CPVL: variants seen among roughly 807,000 people sequenced by gnomAD.
The protein encoded by CPVL is probable serine carboxypeptidase CPVL.
CPVL carries 51 observed loss-of-function variants against 63.7 expected under a neutral mutation model. The ratio of observed to expected loss-of-function variants is 0.80; its 90% CI spans 0.64 to 1.01. The LOEUF (loss-of-function observed/expected upper bound fraction) is 1.01, where lower values mean the gene tolerates loss of function less well. Ranked by LOEUF, CPVL falls within the 50% of genes least tolerant of loss-of-function variation. The pLI is 0.00. For missense variants in CPVL, 530 were observed against 573.1 expected, an observed-to-expected ratio of 0.92 and a Z score of 0.77; for synonymous variants, 195 against 206.0, an observed-to-expected ratio of 0.95 and a Z score of 0.46.
chr7:29,070,055 C>G (rs1047759529), intron 9 of CPVL, among the ~76,000 whole-genome samples: 4 of 152,126 alleles, frequency 2.6e-5, no homozygotes, highest in Non-Finnish European at 5.9e-5. Flanking sequence ...GTTTACTGTC[C>G]TAAGTATCAT....
rs1373805405 is a variant in CPVL at position 29,094,936 on chromosome 7, A to C, written c.462+148T>G. 15 of 656,402 alleles carry C rather than the reference A, an allele frequency of 2.3e-5. No homozygotes were observed. In the East Asian group the frequency reaches 4.2e-4, roughly 18 times the overall value. 40.7% of individuals were successfully genotyped at this position (656,402 alleles called of 1,614,324 possible). ...ATTATACATGTTAACAGAAAAACTA[A>C]ATCTCAAAATGGTTTTAATTTTACA... On this transcript the variant is annotated intron_variant, in intron 5 of 12. Coordinates refer to ENST00000265394, the MANE Select transcript of CPVL (RefSeq NM_031311.5).
intron 12 of CPVL, among the ~76,000 whole-genome samples, chr7:29,014,174 A>G (rs1194932224): frequency 6.6e-6 from 1 of 152,160 alleles, no homozygotes; most frequent in Non-Finnish European, 1.5e-5. Context: ...CCACAGTCAG[A>G]TTTCCATAAG....
intron 1 of CPVL, among the ~76,000 whole-genome samples, chr7:29,138,456 G>T (rs6978024): frequency 0.057 from 8,593 of 151,228 alleles, 498 homozygotes; most frequent in African/African-American, 0.15. Context: ...ATAATAATAA[G>T]AAGAAGAAGA....
intron 11 of CPVL, among the ~76,000 whole-genome samples, chr7:29,034,999 G>T (rs2128158133): frequency 6.6e-6 from 1 of 151,588 alleles, no homozygotes; most frequent in Non-Finnish European, 1.5e-5. Context: ...TAGGTAAAAA[G>T]CTTAATTTTA....
At chr7:29,048,367 G>A (rs1789819503) in intron 11 of CPVL, among the ~76,000 whole-genome samples, 1 of 152,140 alleles carries the variant, frequency 6.6e-6, no homozygotes, top group African/African-American at 2.4e-5. Flanking sequence ...GGTGGAAAAA[G>A]GCATTTCATG....
At chr7:29,009,468 G>A (rs1244861351) in intron 12 of CPVL, 2 of 152,150 alleles carry the variant, frequency 1.3e-5, no homozygotes, top group African/African-American at 2.4e-5. Flanking sequence ...AGCACTATCT[G>A]TAGAAGCAAA....
intron 10 of CPVL, 28 bp downstream of exon 10, chr7:29,065,995 A>G (rs781627462): frequency 1.1e-4 from 147 of 1,378,010 alleles, no homozygotes; most frequent in South Asian, 2.3e-4. Context: ...TTAAGCAAAC[A>G]TTATTATGGT....
intron 6 of CPVL, among the ~76,000 whole-genome samples, chr7:29,089,059 A>C (rs761802382): frequency 2.6e-5 from 4 of 152,156 alleles, no homozygotes; most frequent in East Asian, 3.9e-4. Context: ...ATGGCACAAG[A>C]AGCATGCTTC....
At position 29,071,514 on chromosome 7, in the gene CPVL, G is replaced by T. The variant is rs974242263; in HGVS notation, c.864+259C>A. ...CCACAGCATTTAAAGAAATCAAAAC[G>T]GTTAATGAAAGACACAGTTAGATAA... On this transcript the variant is annotated intron_variant, in intron 9 of 12. Coordinates refer to ENST00000265394, the MANE Select transcript of CPVL (RefSeq NM_031311.5). 5.3e-5 allele frequency among the ~76,000 whole-genome samples: 8 copies of T among 152,082 alleles called. No homozygotes were observed. The East Asian group carries it at 7.7e-4, about 15-fold the overall frequency.
At chr7:29,164,794 A>AC (rs1282331293) in intron 5 of CPVL, among the ~76,000 whole-genome samples, 2 of 151,640 alleles carry the variant, frequency 1.3e-5, no homozygotes, top group African/African-American at 4.8e-5. Context: ...AAAAAAAAAA[A>AC]AAAAAAACAA....
At chr7:29,182,183 C>T (rs1798146481) in intron 4 of CPVL, among the ~76,000 whole-genome samples, 1 of 152,166 alleles carries the variant, frequency 6.6e-6, no homozygotes, top group Non-Finnish European at 1.5e-5. Flanking sequence ...ATGAACTGAA[C>T]TTCTATTATA....
intron 8 of CPVL, 23 bp downstream of exon 8, chr7:29,072,278 G>A: frequency 6.2e-7 from 1 of 1,613,314 alleles, no homozygotes; most frequent in Non-Finnish European, 8.5e-7. Flanking sequence ...AGACAAAATA[G>A]AAAGTCAGAA....
intron 10 of CPVL, among the ~76,000 whole-genome samples, 180 bp from the exon 11 acceptor site, chr7:29,064,414 T>G (rs1387011083): frequency 6.6e-6 from 1 of 152,208 alleles, no homozygotes; most frequent in Non-Finnish European, 1.5e-5. Flanking sequence ...TGGAATCTTT[T>G]TACTAATTAG....
At chr7:29,134,406 T>C (rs149082469) in intron 1 of CPVL, among the ~76,000 whole-genome samples, 2 of 152,288 alleles carry the variant, frequency 1.3e-5, no homozygotes, top group South Asian at 2.1e-4. Context: ...AATATGTAAA[T>C]AGACTTCAAG....
At chr7:29,175,422 C>T (rs180723860) in intron 5 of CPVL, among the ~76,000 whole-genome samples, 172 of 152,126 alleles carry the variant, frequency 1.1e-3, no homozygotes, top group Admixed American at 3.1e-3. Flanking sequence ...GTTTTCTGCC[C>T]GCCTCGGCCT....
intron 4 of CPVL, among the ~76,000 whole-genome samples, chr7:29,182,963 C>T (rs1027381064): frequency 1.3e-5 from 2 of 152,040 alleles, no homozygotes; most frequent in African/African-American, 4.8e-5. Context: ...AATTCTATTA[C>T]AGGAAAGATT....
chr7:29,051,719 T>C (rs767753288), intron 11 of CPVL, among the ~76,000 whole-genome samples: 4 of 151,950 alleles, frequency 2.6e-5, no homozygotes, highest in South Asian at 2.1e-4. Flanking sequence ...GAACTACCAT[T>C]TGATCAGCAA....
At chr7:29,162,078 A>G (rs1379358728) in intron 5 of CPVL, among the ~76,000 whole-genome samples, 2 of 152,242 alleles carry the variant, frequency 1.3e-5, no homozygotes, top group African/African-American at 2.4e-5. Flanking sequence ...GCTGGTGGCA[A>G]TGTTAAACAG....
intron 12 of CPVL, among the ~76,000 whole-genome samples, chr7:29,003,254 A>C (rs1049580351): frequency 6.6e-6 from 1 of 152,188 alleles, no homozygotes; most frequent in Non-Finnish European, 1.5e-5. Flanking sequence ...AGAAAAGGAA[A>C]CAGTACTTTC....
Sources: gnomAD v4.1 joint callset for allele counts (sites outside exome capture counted in the v4.1 genomes callset) on GRCh38, gnomAD v4.1.1 for gene constraint, MANE v1.5 for transcripts, NCBI Gene and HGNC (gene_info 2026-07-23, HGNC 2026-07-21) for gene names.